MGAM2: variants seen among roughly 807,000 people sequenced by gnomAD.
MGAM2 encodes maltase-glucoamylase 2 (putative), also known as probable maltase-glucoamylase 2.
MGAM2 carries 98 observed loss-of-function variants against 96.1 expected under a neutral mutation model. The ratio of observed to expected loss-of-function variants is 1.02; its 90% CI spans 0.87 to 1.21. The LOEUF is 1.21. Ranked by LOEUF, MGAM2 falls within the 50% of genes most tolerant of loss-of-function variation. The pLI, the probability that MGAM2 is intolerant of heterozygous loss-of-function variation, is 0.00. For synonymous variants in MGAM2, 749 were observed against 414.8 expected, an observed-to-expected ratio of 1.81 and a Z score of -9.79; for missense variants, 2,055 against 1,182.4, an observed-to-expected ratio of 1.74 and a Z score of -10.82.
intron 20 of MGAM2, 24 bp from the exon 21 acceptor site, chr7:142,160,110 T>C (rs1013980395): frequency 2.9e-6 from 2 of 697,082 alleles, no homozygotes; most frequent in African/African-American, 3.5e-5. Flanking sequence ...ACCTGATCTA[T>C]CTTTTGTTGT....
chr7:142,196,687 T>A lies in MGAM2; in HGVS notation c.4516-13T>A, dbSNP rs1356041081. On this transcript the variant is annotated splice_polypyrimidine_tract_variant and intron_variant, in intron 39 of 47. Transcript: ENST00000477922. Reference sequence around the variant, plus strand: ...AAATTCCCACCTCATGCTCTCATTATGCATCTTCTCAGACAGGAGCAGATA... The same window carrying A: ...AAATTCCCACCTCATGCTCTCATTAAGCATCTTCTCAGACAGGAGCAGATA... 1 of 778,656 alleles carries A rather than the reference T, an allele frequency of 1.3e-6. No homozygotes were observed. Among genetic ancestry groups the A allele is most frequent in the Non-Finnish European group, 2.4e-6 (1 of 418,262 alleles). 48.2% of individuals were successfully genotyped at this position (778,656 alleles called of 1,614,324 possible). A position where few individuals can be genotyped will look rare whatever the true frequency, so the allele number is the denominator to read the frequency against.
At chr7:142,154,588 A>G in intron 16 of MGAM2, 141 bp from the exon 17 acceptor site, 1 of 609,446 alleles carries the variant, frequency 1.6e-6, no homozygotes, top group Non-Finnish European at 3.0e-6. Context: ...TTTGGCTGGG[A>G]GTGTGCCCTG....
chr7:142,129,559 T>C (rs1794824365), intron 3 of MGAM2, among the ~76,000 whole-genome samples: 2 of 151,876 alleles, frequency 1.3e-5, no homozygotes, highest in Admixed American at 1.3e-4. Flanking sequence ...GCGCGGTGGC[T>C]CATGCCTGTA....
At chr7:142,141,180 C>T (rs967192698) in intron 12 of MGAM2, 61 bp downstream of exon 12, 24 of 673,094 alleles carry the variant, frequency 3.6e-5, no homozygotes, top group African/African-American at 1.3e-4. Flanking sequence ...ACTTTTGGTA[C>T]GAAGATGAGT....
chr7:142,116,902 T>C lies in MGAM2; in HGVS notation c.29T>C (p.Val10Ala), dbSNP rs371275714. 6 of 703,584 alleles carry C rather than the reference T, an allele frequency of 8.5e-6. No homozygotes were observed. The African/African-American group carries it at 1.0e-4, about 12-fold the overall frequency. 43.6% of individuals were successfully genotyped at this position (703,584 alleles called of 1,614,324 possible). MARKLSVLE[V>A]LLIIFCLIVV... Reference sequence around the variant, plus strand: ...GCGAGGAAGCTCAGTGTATTGGAAGTCCTTCTGATCATCTTCTGCTTAATT... The same window carrying C: ...GCGAGGAAGCTCAGTGTATTGGAAGCCCTTCTGATCATCTTCTGCTTAATT... Residue 10 changes from valine to alanine, a missense_variant, in exon 2 of 48, where the codon GTC (valine) becomes GCC (alanine). By Grantham distance (64) the Val-to-Ala change is moderately conservative. Coordinates refer to ENST00000477922, the MANE Select transcript of MGAM2 (RefSeq NM_001293626.2).
chr7:142,165,105 G>A, intron 24 of MGAM2, 82 bp downstream of exon 24: 2 of 576,878 alleles, frequency 3.5e-6, no homozygotes, highest in Non-Finnish European at 6.1e-6. Flanking sequence ...TTTTAACTGT[G>A]GGCAGTCAGA....
chr7:142,208,374 C>T, intron 45 of MGAM2, 199 bp from the exon 46 acceptor site: 1 of 658,200 alleles, frequency 1.5e-6, no homozygotes, highest in Non-Finnish European at 2.8e-6. Context: ...CGGCAAGGTA[C>T]CCATTTGCAT....
At position 142,220,947 on chromosome 7, in the gene MGAM2, C is replaced by A. The variant is rs1451730413; in HGVS notation, c.6436C>A (p.Gln2146Lys). 1 of 701,602 alleles carries A rather than the reference C, an allele frequency of 1.4e-6. No homozygotes were observed. The highest frequency in any genetic ancestry group is 2.7e-5 in the East Asian group (1 of 37,242). 43.5% of individuals were successfully genotyped at this position (701,602 alleles called of 1,614,324 possible). Reference protein sequence around the residue: ...TTINNISTPVQTNTTNASTST... With the variant: ...TTINNISTPVKTNTTNASTST... ...TATTAATAATATAAGTACTCCTGTT[C>A]AAACAAATACTACTAATGCTAGCAC... is the stretch of plus-strand genomic sequence containing the variant. Residue 2146 changes from glutamine to lysine, a missense_variant, in exon 48 of 48, where the codon CAA becomes AAA. Transcript: ENST00000477922.
At chr7:142,146,673 AT>A (rs1439862089) in intron 14 of MGAM2, among the ~76,000 whole-genome samples, 2 of 152,104 alleles carry the variant, frequency 1.3e-5, no homozygotes, top group Non-Finnish European at 2.9e-5. Context: ...CAGAGGTAGG[AT>A]TTGAGTACTT....
At chr7:142,173,196 A>G (rs73158454) in intron 30 of MGAM2, 33 bp from the exon 31 acceptor site, 149,083 of 701,588 alleles carry the variant, frequency 0.21, 16,879 homozygotes, top group East Asian at 0.32. Flanking sequence ...TCCCTAAGAA[A>G]TCTTTCTGGA....
chr7:142,113,307 TGGG>T (rs1013621568), intron 1 of MGAM2, among the ~76,000 whole-genome samples: 12 of 152,108 alleles, frequency 7.9e-5, no homozygotes, highest in African/African-American at 2.9e-4. Flanking sequence ...GCTGAGCAGC[TGGG>T]GTTAGGACGT....
At chr7:142,168,951 C>T (rs1291045155) in intron 26 of MGAM2, among the ~76,000 whole-genome samples, 1 of 152,154 alleles carries the variant, frequency 6.6e-6, no homozygotes, top group Non-Finnish European at 1.5e-5. Context: ...GCACCTTGGA[C>T]AGCTCAGCTG....
At position 142,189,462 on chromosome 7, in the gene MGAM2, G is replaced by A. The variant is rs1366355204; in HGVS notation, c.4303G>A (p.Val1435Met). 8 of 855,420 alleles carry A rather than the reference G, an allele frequency of 9.4e-6. No homozygotes were observed. The highest frequency in any genetic ancestry group is 2.9e-5 in the South Asian group (2 of 70,162). The allele number at this position is 855,420 out of a possible 1,614,324, so 53.0% of individuals were successfully genotyped here. The change falls in exon 37 of 48, where the codon GTG (valine) becomes ATG (methionine). Residue 1435 changes from valine to methionine, a missense_variant. Val to Met is a conservative substitution (Grantham distance 21). Coordinates refer to ENST00000477922, the MANE Select transcript of MGAM2 (RefSeq NM_001293626.2). ...PDSSPVEHYN[V>M]HNLYGWSQTR... is the part of the protein sequence containing the mutation. Reference sequence around the variant, plus strand: ...CAGCTCCCCCGTGGAGCACTACAACGTGCACAACCTGTACGGGTGGTCCCA... The same window carrying A: ...CAGCTCCCCCGTGGAGCACTACAACATGCACAACCTGTACGGGTGGTCCCA...
intron 46 of MGAM2, among the ~76,000 whole-genome samples, chr7:142,212,038 A>G (rs966572311): frequency 6.6e-6 from 1 of 152,230 alleles, no homozygotes; most frequent in Admixed American, 6.5e-5. Flanking sequence ...GCCAATATTC[A>G]ACATTCTTAA....
intron 3 of MGAM2, among the ~76,000 whole-genome samples, chr7:142,129,041 G>C (rs899233722): frequency 6.6e-6 from 1 of 152,226 alleles, no homozygotes; most frequent in Non-Finnish European, 1.5e-5. Flanking sequence ...CAGAGCCACA[G>C]AGGCAGAGCT....
chr7:142,165,067 G>A (rs574268133), intron 24 of MGAM2, 44 bp downstream of exon 24: 2 of 639,606 alleles, frequency 3.1e-6, no homozygotes, highest in South Asian at 3.6e-5. Context: ...CAGAGGCCTT[G>A]GCTCTGACAG....
intron 6 of MGAM2, among the ~76,000 whole-genome samples, chr7:142,133,615 A>G (rs1024215747): frequency 6.6e-6 from 1 of 152,116 alleles, no homozygotes; most frequent in African/African-American, 2.4e-5. Flanking sequence ...TATCCTCAAC[A>G]GTATCAGTTT....
At chr7:142,122,069 A>G (rs1794594521) in intron 3 of MGAM2, among the ~76,000 whole-genome samples, 1 of 152,140 alleles carries the variant, frequency 6.6e-6, no homozygotes, top group Non-Finnish European at 1.5e-5. Flanking sequence ...AGAAATGGAA[A>G]ATGGATTTTT....
chr7:142,139,230 C>T (rs55971428), intron 10 of MGAM2, among the ~76,000 whole-genome samples: 9,050 of 152,138 alleles, frequency 0.059, 944 homozygotes, highest in African/African-American at 0.21. Context: ...GTTCAATGTC[C>T]ACCAGTAAGT....
Sources: gnomAD v4.1 joint callset for allele counts (sites outside exome capture counted in the v4.1 genomes callset) on GRCh38, gnomAD v4.1.1 for gene constraint, MANE v1.5 for transcripts, NCBI Gene and HGNC (gene_info 2026-07-23, HGNC 2026-07-21) for gene names.